SUSD4: variants seen among roughly 807,000 people sequenced by gnomAD.
SUSD4 encodes sushi domain containing 4.
SUSD4 carries 41 observed loss-of-function variants against 50.5 expected under a neutral mutation model. The observed-to-expected ratio is 0.81, with a 90% confidence interval of 0.63 to 1.05. The LOEUF (loss-of-function observed/expected upper bound fraction) is 1.05. Ranked by LOEUF, SUSD4 falls within the 50% of genes least tolerant of loss-of-function variation. The pLI is 0.00. For missense variants in SUSD4, 580 were observed against 634.7 expected, an observed-to-expected ratio of 0.91 and a Z score of 0.93; for synonymous variants, 257 against 257.3, an observed-to-expected ratio of 1.00 and a Z score of 0.01.
chr1:223,345,783 T>A (rs1175678468), intron 2 of SUSD4, among the ~76,000 whole-genome samples: 2 of 152,244 alleles, frequency 1.3e-5, no homozygotes, highest in African/African-American at 4.8e-5. Flanking sequence ...AATGACTCCA[T>A]GCTTCTTCTC....
intron 8 of SUSD4, among the ~76,000 whole-genome samples, chr1:223,222,960 G>A (rs1163448174): frequency 2.0e-5 from 3 of 152,316 alleles, no homozygotes; most frequent in Admixed American, 1.3e-4. Context: ...TGAAGCACCG[G>A]CCACTGCTGC....
At chr1:223,362,014 C>T (rs981196375) in intron 2 of SUSD4, among the ~76,000 whole-genome samples, 8 of 152,018 alleles carry the variant, frequency 5.3e-5, no homozygotes, top group Admixed American at 4.6e-4. Context: ...TAAAAAACTA[C>T]AAGCATCCAA....
chr1:223,264,066 C>T (rs574608625), intron 5 of SUSD4: 64 of 985,416 alleles, frequency 6.5e-5, no homozygotes, highest in Non-Finnish European at 7.3e-5. Context: ...GCCTTGACTC[C>T]GCCAGTGGAA....
intron 5 of SUSD4, among the ~76,000 whole-genome samples, chr1:223,260,685 T>C (rs1031781571): frequency 1.3e-5 from 2 of 152,228 alleles, no homozygotes; most frequent in African/African-American, 4.8e-5. Flanking sequence ...CTTTGAAATT[T>C]TGGGTGCTTT....
intron 2 of SUSD4, among the ~76,000 whole-genome samples, chr1:223,293,312 C>T (rs1158613345): frequency 6.6e-6 from 1 of 152,176 alleles, no homozygotes; most frequent in African/African-American, 2.4e-5. Context: ...ATTTCACTCT[C>T]CGCCTGCCTC....
chr1:223,286,432 G>A (rs1162558508), intron 3 of SUSD4, among the ~76,000 whole-genome samples: 1 of 152,018 alleles, frequency 6.6e-6, no homozygotes, highest in African/African-American at 2.4e-5. Context: ...TGTATTTTCA[G>A]TAGAGACAGG....
At chr1:223,362,827 A>G (rs1471622391) in intron 2 of SUSD4, among the ~76,000 whole-genome samples, 1 of 152,014 alleles carries the variant, frequency 6.6e-6, no homozygotes, top group Non-Finnish European at 1.5e-5. Context: ...CACATTCTCA[A>G]AGGTGGTTCT....
intron 5 of SUSD4, chr1:223,263,671 C>G: frequency 1.0e-6 from 1 of 985,418 alleles, no homozygotes; most frequent in Non-Finnish European, 1.2e-6. Context: ...ACTCCACATC[C>G]CTAGAGAGGC....
chr1:223,278,631 T>C (rs921911595), intron 3 of SUSD4, among the ~76,000 whole-genome samples: 2 of 152,214 alleles, frequency 1.3e-5, no homozygotes, highest in African/African-American at 4.8e-5. Flanking sequence ...AGACTCCACC[T>C]TTTGGGGCAG....
chr1:223,354,048 G>GA (rs1668519844), intron 2 of SUSD4, among the ~76,000 whole-genome samples: 1 of 150,768 alleles, frequency 6.6e-6, no homozygotes, highest in Non-Finnish European at 1.5e-5. Context: ...AAAAAAAAAA[G>GA]AAAGTAGCAA....
intron 2 of SUSD4, among the ~76,000 whole-genome samples, chr1:223,354,324 A>G (rs187566063): frequency 1.3e-5 from 2 of 150,474 alleles, no homozygotes; most frequent in Admixed American, 1.3e-4. Context: ...GATGGTCAGC[A>G]TAACTCCTCA....
At chr1:223,317,013 G>A (rs892760698) in intron 2 of SUSD4, among the ~76,000 whole-genome samples, 7 of 152,196 alleles carry the variant, frequency 4.6e-5, no homozygotes, top group African/African-American at 1.7e-4. Flanking sequence ...TCAGAGGTAT[G>A]TGAACCAGAG....
At chr1:223,244,231 T>C (rs1334838923) in intron 5 of SUSD4, among the ~76,000 whole-genome samples, 3 of 152,204 alleles carry the variant, frequency 2.0e-5, no homozygotes, top group African/African-American at 7.2e-5. Context: ...CCAAAGCATA[T>C]GCTGGTACTA....
At chr1:223,325,934 G>A (rs1666850282) in intron 2 of SUSD4, among the ~76,000 whole-genome samples, 1 of 152,182 alleles carries the variant, frequency 6.6e-6, no homozygotes, top group South Asian at 2.1e-4. Flanking sequence ...CTGTGAAAAT[G>A]ACTACACTGC....
At chr1:223,343,161 C>A (rs1187871772) in intron 2 of SUSD4, among the ~76,000 whole-genome samples, 2 of 152,180 alleles carry the variant, frequency 1.3e-5, no homozygotes, top group South Asian at 4.1e-4. Context: ...GACCTCTGTG[C>A]TGGCTGTTCC....
chr1:223,299,597 T>C (rs181845967), intron 2 of SUSD4, among the ~76,000 whole-genome samples: 1 of 152,246 alleles, frequency 6.6e-6, no homozygotes, highest in African/African-American at 2.4e-5. Flanking sequence ...GGCCACAGGG[T>C]ACTCAGACAT....
At chr1:223,275,242 T>G (rs550700765) in intron 3 of SUSD4, among the ~76,000 whole-genome samples, 2 of 152,336 alleles carry the variant, frequency 1.3e-5, no homozygotes, top group South Asian at 2.1e-4. Context: ...CAGCAAATTT[T>G]CAGAAGACAA....
chr1:223,238,745 C>T (rs1660380853), intron 5 of SUSD4, among the ~76,000 whole-genome samples: 2 of 151,854 alleles, frequency 1.3e-5, no homozygotes, highest in African/African-American at 4.8e-5. Flanking sequence ...GTGTTTTATG[C>T]TCAGAATGTG....
At chr1:223,270,088 T>C (rs564682172) in intron 3 of SUSD4, among the ~76,000 whole-genome samples, 1 of 151,964 alleles carries the variant, frequency 6.6e-6, no homozygotes, top group South Asian at 2.1e-4. Context: ...CTTCAGAAAA[T>C]AGGATGTCAA....
Sources: allele counts gnomAD v4.1 joint callset (sites outside exome capture counted in the v4.1 genomes callset), GRCh38; gene constraint gnomAD v4.1.1; transcripts MANE v1.5; gene names NCBI Gene and HGNC (gene_info 2026-07-23, HGNC 2026-07-21).